DNAH9: variants seen among roughly 807,000 people sequenced by gnomAD.
The protein encoded by DNAH9 is dynein axonemal heavy chain 9.
In DNAH9, 345 loss-of-function variants were observed where a neutral mutation model predicts 471.6. That is an observed-to-expected ratio of 0.73 (90% confidence interval 0.67 to 0.80). DNAH9 has a LOEUF of 0.80. Among genes scored for constraint, DNAH9 ranks in the 30% least tolerant of loss-of-function variants. DNAH9 has a pLI of 0.00. For synonymous variants in DNAH9, 2,093 were observed against 2,123.6 expected, an observed-to-expected ratio of 0.99 and a Z score of 0.40; for missense variants, 5,407 against 5,609.2, an observed-to-expected ratio of 0.96 and a Z score of 1.15.
intron 39 of DNAH9, among the ~76,000 whole-genome samples, 171 bp downstream of exon 39, chr17:11,781,345 T>C (rs1246490888): frequency 6.6e-6 from 1 of 152,234 alleles, no homozygotes; most frequent in Admixed American, 6.5e-5. Flanking sequence ...CCAGAGTGGT[T>C]CCTTCAAACA....
At chr17:11,767,052 C>T (rs775197810) in intron 36 of DNAH9, among the ~76,000 whole-genome samples, 1 of 152,012 alleles carries the variant, frequency 6.6e-6, no homozygotes, top group Non-Finnish European at 1.5e-5. Flanking sequence ...TTTACAGTGT[C>T]CAATTATAGT....
chr17:11,631,839 A>G (rs1387294555), intron 7 of DNAH9, among the ~76,000 whole-genome samples: 1 of 152,034 alleles, frequency 6.6e-6, no homozygotes, highest in African/African-American at 2.4e-5. Flanking sequence ...TCACACACAC[A>G]TGCGTTACTG....
chr17:11,646,101 G>T (rs903893539), intron 11 of DNAH9, among the ~76,000 whole-genome samples: 4 of 151,726 alleles, frequency 2.6e-5, no homozygotes, highest in African/African-American at 9.7e-5. Flanking sequence ...GGATTGTCTC[G>T]ATCTCCTGAC....
intron 61 of DNAH9, among the ~76,000 whole-genome samples, chr17:11,912,954 G>T (rs1973835615): frequency 6.6e-6 from 1 of 152,052 alleles, no homozygotes; most frequent in African/African-American, 2.4e-5. Flanking sequence ...GATCACCTGA[G>T]GTCAGGAGTT....
intron 27 of DNAH9, 34 bp downstream of exon 27, chr17:11,719,524 TG>T: frequency 7.0e-7 from 1 of 1,435,804 alleles, no homozygotes; most frequent in East Asian, 2.5e-5. Flanking sequence ...GGGGTGGGGG[TG>T]GGGGATAGGA....
At chr17:11,607,591 A>G (rs904123531) in intron 1 of DNAH9, among the ~76,000 whole-genome samples, 3 of 151,912 alleles carry the variant, frequency 2.0e-5, no homozygotes, top group South Asian at 4.2e-4. Context: ...TTTTTCTGAG[A>G]TGGAGTCTTA....
chr17:11,625,814 A>T (rs967069145), intron 6 of DNAH9, among the ~76,000 whole-genome samples: 2 of 152,192 alleles, frequency 1.3e-5, no homozygotes, highest in African/African-American at 4.8e-5. Flanking sequence ...GTCTTGAAAG[A>T]AGCACCCAAA....
At chr17:11,895,564 A>G (rs886962877) in intron 59 of DNAH9, among the ~76,000 whole-genome samples, 12 of 152,216 alleles carry the variant, frequency 7.9e-5, no homozygotes, top group African/African-American at 2.7e-4. Context: ...GTTTTCCACA[A>G]TGGTAACATC....
intron 59 of DNAH9, among the ~76,000 whole-genome samples, chr17:11,896,995 C>T (rs1300872324): frequency 6.6e-6 from 1 of 152,162 alleles, no homozygotes; most frequent in African/African-American, 2.4e-5. Flanking sequence ...GAGGCTGAGG[C>T]TGGAGAATGG....
At chr17:11,631,187 C>T (rs1001219396) in intron 7 of DNAH9, among the ~76,000 whole-genome samples, 2 of 151,568 alleles carry the variant, frequency 1.3e-5, no homozygotes, top group African/African-American at 4.9e-5. Flanking sequence ...ACCTGTAAGT[C>T]CACATGCATG....
intron 1 of DNAH9, among the ~76,000 whole-genome samples, chr17:11,605,563 A>G (rs1030550096): frequency 2.6e-5 from 4 of 151,878 alleles, no homozygotes; most frequent in African/African-American, 9.7e-5. Flanking sequence ...CAGTGGCACG[A>G]TTTCAGCTCA....
intron 49 of DNAH9, among the ~76,000 whole-genome samples, chr17:11,849,741 T>G (rs1971348848): frequency 6.6e-6 from 1 of 152,218 alleles, no homozygotes; most frequent in African/African-American, 2.4e-5. Context: ...GCCCTTGTGT[T>G]TGTTTTTCTC....
intron 68 of DNAH9, among the ~76,000 whole-genome samples, chr17:11,968,952 CCA>C (rs1200652390): frequency 6.6e-6 from 1 of 152,118 alleles, no homozygotes; most frequent in Non-Finnish European, 1.5e-5. Context: ...TTTTAAATCC[CCA>C]GCACCTAGCC....
intron 49 of DNAH9, among the ~76,000 whole-genome samples, chr17:11,845,091 G>C (rs1302004251): frequency 3.3e-5 from 5 of 150,932 alleles, no homozygotes; most frequent in African/African-American, 7.3e-5. Flanking sequence ...TGCCATGCTG[G>C]TGTGCTGTAC....
At chr17:11,732,001 T>G (rs915747167) in intron 28 of DNAH9, among the ~76,000 whole-genome samples, 58 of 152,112 alleles carry the variant, frequency 3.8e-4, no homozygotes, top group African/African-American at 1.3e-3. Context: ...TTGAACTAGT[T>G]TACAGTTCTC....
At chr17:11,944,480 G>C (rs968452291) in intron 67 of DNAH9, among the ~76,000 whole-genome samples, 2 of 152,126 alleles carry the variant, frequency 1.3e-5, no homozygotes, top group African/African-American at 4.8e-5. Context: ...AGCAGCCCAC[G>C]GTCTGTTCTC....
At chr17:11,692,744 G>A (rs374132814) in intron 20 of DNAH9, among the ~76,000 whole-genome samples, 1 of 151,810 alleles carries the variant, frequency 6.6e-6, no homozygotes, top group African/African-American at 2.4e-5. Context: ...GATGACATGT[G>A]ATATCATAAT....
rs1973098843 is a variant in DNAH9 at position 11,892,987 on chromosome 17, T to C, written c.11283+1040T>C. On this transcript the variant is annotated intron_variant, in intron 58 of 68. Transcript: ENST00000262442. This position sits in a 1 kb window ranked among gnomAD's most constrained non-coding sequence, Gnocchi z 4.3. ...TTCTGATCCGTAGTCAGACACGTTATCCATTGCACCACTGGCCCACGGTTG... is the reference window on the plus strand; with the variant it reads ...TTCTGATCCGTAGTCAGACACGTTACCCATTGCACCACTGGCCCACGGTTG... 6.6e-6 allele frequency among the ~76,000 whole-genome samples: 1 copy of C among 152,024 alleles called. No homozygotes were observed. The highest frequency in any genetic ancestry group is 1.5e-5 in the Non-Finnish European group (1 of 68,022).
chr17:11,854,940 C>T (rs991591313), intron 50 of DNAH9, among the ~76,000 whole-genome samples: 1 of 152,192 alleles, frequency 6.6e-6, no homozygotes, highest in African/African-American at 2.4e-5. Context: ...CTTTTATAAA[C>T]TCATGTAGAT....
Sources: gnomAD v4.1 joint callset for allele counts (sites outside exome capture counted in the v4.1 genomes callset) on GRCh38, gnomAD v4.1.1 for gene constraint, Gnocchi (gnomAD v3.1) non-coding constraint, MANE v1.5 for transcripts, NCBI Gene and HGNC (gene_info 2026-07-23, HGNC 2026-07-21) for gene names.